Variants in EFCAB6 observed in about 807,000 individuals in gnomAD.
EFCAB6 encodes the protein EF-hand calcium binding domain 6.
EFCAB6 carries 156 observed loss-of-function variants against 169.8 expected under a neutral mutation model. The observed-to-expected ratio is 0.92, with a 90% CI of 0.81 to 1.05. The LOEUF is 1.05. Ranked by LOEUF, EFCAB6 falls within the 50% of genes least tolerant of loss-of-function variation. The pLI is 0.00. For synonymous variants in EFCAB6, 698 were observed against 676.4 expected (o/e 1.03, Z -0.50); for missense variants, 1,800 against 1,829.1 (o/e 0.98, Z 0.29).
intron 10 of EFCAB6, among the ~76,000 whole-genome samples, chr22:43,691,097 AAG>A (rs2058397329): frequency 6.6e-6 from 1 of 152,106 alleles, no homozygotes; most frequent in African/African-American, 2.4e-5. Context: ...GATCATGAGA[AAG>A]AGAGACGGAG....
At chr22:43,539,374 A>G (rs2047560567) in intron 28 of EFCAB6, among the ~76,000 whole-genome samples, 1 of 152,214 alleles carries the variant, frequency 6.6e-6, no homozygotes, top group South Asian at 2.1e-4. Context: ...ACTCCACAAG[A>G]GCAGGAACCT....
intron 6 of EFCAB6, among the ~76,000 whole-genome samples, chr22:43,747,924 G>T (rs1359534664): frequency 1.3e-5 from 2 of 152,142 alleles, no homozygotes; most frequent in East Asian, 3.9e-4. Context: ...TCCTGATCTA[G>T]GTGATATACC....
intron 2 of EFCAB6, among the ~76,000 whole-genome samples, chr22:43,802,183 C>A (rs866244933): frequency 6.6e-6 from 1 of 152,164 alleles, no homozygotes; most frequent in Non-Finnish European, 1.5e-5. Context: ...GCAACCAGCA[C>A]CGACATCCCA....
At chr22:43,675,785 T>C (rs1373646157) in intron 13 of EFCAB6, among the ~76,000 whole-genome samples, 2 of 148,296 alleles carry the variant, frequency 1.3e-5, no homozygotes, top group East Asian at 1.9e-4. Context: ...GATGTAATTA[T>C]ATATTATAAT....
At chr22:43,696,894 G>A (rs548328936) in intron 10 of EFCAB6, among the ~76,000 whole-genome samples, 9 of 152,048 alleles carry the variant, frequency 5.9e-5, no homozygotes, top group Admixed American at 1.3e-4. Context: ...AAACAATTGC[G>A]AAACTCAATT....
intron 26 of EFCAB6, among the ~76,000 whole-genome samples, chr22:43,556,052 C>T (rs573317713): frequency 3.3e-5 from 5 of 152,322 alleles, no homozygotes; most frequent in Admixed American, 2.6e-4. Flanking sequence ...CAGTGAGCAG[C>T]AGCAGATGAT....
At chr22:43,741,941 G>A (rs1276164908) in intron 6 of EFCAB6, among the ~76,000 whole-genome samples, 2 of 152,018 alleles carry the variant, frequency 1.3e-5, no homozygotes, top group South Asian at 2.1e-4. Context: ...AATCCCCAGC[G>A]CCTGGCGGGA....
chr22:43,621,275 T>C (rs1335258443), intron 20 of EFCAB6, among the ~76,000 whole-genome samples: 1 of 136,520 alleles, frequency 7.3e-6, no homozygotes, highest in East Asian at 2.5e-4. Flanking sequence ...TTATTTATTG[T>C]ATCTTTAGTA....
At chr22:43,698,871 T>C (rs1041731764) in intron 10 of EFCAB6, among the ~76,000 whole-genome samples, 5 of 152,224 alleles carry the variant, frequency 3.3e-5, no homozygotes, top group African/African-American at 9.6e-5. Context: ...GCTACAATTA[T>C]GTGAGTTTTA....
intron 26 of EFCAB6, among the ~76,000 whole-genome samples, chr22:43,570,916 G>A (rs1269858001): frequency 6.6e-6 from 1 of 152,232 alleles, no homozygotes; most frequent in Non-Finnish European, 1.5e-5. Flanking sequence ...CCACCATGGA[G>A]CCCTGGGGCG....
At chr22:43,738,386 ACACATG>A (rs1386606599) in intron 6 of EFCAB6, among the ~76,000 whole-genome samples, 2 of 151,590 alleles carry the variant, frequency 1.3e-5, no homozygotes, top group Non-Finnish European at 2.9e-5. Flanking sequence ...ATATTCACAC[ACACATG>A]CATGTACTCA....
Position 43,591,104 on chromosome 22 carries a change from GTTTTTTGTTTTT to G in EFCAB6, c.2877-887_2877-876del, listed in dbSNP as rs2051491564. On this transcript the variant is annotated intron_variant, in intron 23 of 31. Transcript: ENST00000262726. ...GGGTTTGTTGTTGTTGTTGTTTTTT[GTTTTTTGTTTTT>G]TTTTTTTGTTTTTTTTTTGTTTTTT... Among the ~76,000 whole-genome samples the G allele has an allele frequency of 1.3e-4, 14 of 104,428 alleles. 1 individual carries two copies. The South Asian group carries it at 3.9e-3, about 29-fold the overall frequency. The allele number at this position is 104,428 out of a possible 152,430, so 68.5% of individuals were successfully genotyped here.
intron 17 of EFCAB6, among the ~76,000 whole-genome samples, chr22:43,637,514 C>T (rs75640520): frequency 3.9e-5 from 6 of 152,206 alleles, no homozygotes; most frequent in East Asian, 1.9e-4. Context: ...TGGCTTCCTG[C>T]GTGTGGAGGT....
chr22:43,747,364 A>C (rs2060601907), intron 6 of EFCAB6, among the ~76,000 whole-genome samples: 1 of 152,176 alleles, frequency 6.6e-6, no homozygotes. Flanking sequence ...TACATTGTGA[A>C]TCCTCAAGGA....
chr22:43,626,980 T>C (rs567184287), intron 19 of EFCAB6, among the ~76,000 whole-genome samples: 1 of 152,174 alleles, frequency 6.6e-6, no homozygotes. Context: ...TTGTGGAGCT[T>C]GTACTTCTAG....
intron 28 of EFCAB6, 59 bp downstream of exon 28, chr22:43,540,066 AGT>A: frequency 6.3e-7 from 1 of 1,577,498 alleles, no homozygotes; most frequent in Non-Finnish European, 8.7e-7. Context: ...AAGTCCCCCC[AGT>A]GGGATTTGTG....
chr22:43,620,265 C>T (rs2054026463), intron 20 of EFCAB6, among the ~76,000 whole-genome samples: 1 of 151,790 alleles, frequency 6.6e-6, no homozygotes, highest in South Asian at 2.1e-4. Flanking sequence ...GCTGTGATCG[C>T]ACCACCACGC....
Position 43,782,456 on chromosome 22 carries a change from T to C in EFCAB6, c.-7-131A>G, listed in dbSNP as rs185461542. 27 of 742,424 alleles carry C rather than the reference T, an allele frequency of 3.6e-5. No homozygotes were observed. The East Asian group carries it at 6.9e-4, about 19-fold the overall frequency. The allele number at this position is 742,424 out of a possible 1,614,324, so 46.0% of individuals were successfully genotyped here. A position where few individuals can be genotyped will look rare whatever the true frequency, so the allele number is the denominator to read the frequency against. ...AAAATGATGCTAGTCATAATCTGCT[T>C]TGCTGATGTTTCAGACTATTCTTAA... On this transcript the variant is annotated intron_variant, in intron 2 of 31. Coordinates refer to ENST00000262726, the MANE Select transcript of EFCAB6 (RefSeq NM_022785.4).
intron 2 of EFCAB6, among the ~76,000 whole-genome samples, chr22:43,799,062 C>T (rs1360681363): frequency 3.1e-4 from 47 of 152,096 alleles, no homozygotes; most frequent in Admixed American, 2.9e-3. Flanking sequence ...GTGGCTCACA[C>T]CTTTAACCCC....
Sources: gnomAD v4.1 joint callset for allele counts (sites outside exome capture counted in the v4.1 genomes callset) on GRCh38, gnomAD v4.1.1 for gene constraint, MANE v1.5 for transcripts, NCBI Gene and HGNC (gene_info 2026-07-23, HGNC 2026-07-21) for gene names.